TFB1M: variants seen among roughly 807,000 people sequenced by gnomAD.
TFB1M encodes transcription factor B1, mitochondrial.
Under a neutral mutation model 31.1 loss-of-function variants are expected in TFB1M, and 27 were observed. That is an observed-to-expected ratio of 0.87 (90% CI 0.64 to 1.20). TFB1M has a LOEUF of 1.20. Ranked by LOEUF, TFB1M falls within the 50% of genes most tolerant of loss-of-function variation. The pLI, the probability that TFB1M is intolerant of heterozygous loss-of-function variation, is 0.00. For synonymous variants in TFB1M, 166 were observed against 151.8 expected, an observed-to-expected ratio of 1.09 and a Z score of -0.69; for missense variants, 394 against 418.7, an observed-to-expected ratio of 0.94 and a Z score of 0.51.
chr6:155,268,947 A>T (rs1463048401), intron 5 of TFB1M, among the ~76,000 whole-genome samples: 1 of 137,822 alleles, frequency 7.3e-6, no homozygotes, highest in Non-Finnish European at 1.6e-5. Context: ...ATGATCAATT[A>T]AAAAAAAAAA....
chr6:155,236,599 G>C, the TFB1M span, among the ~76,000 whole-genome samples: 1 of 152,164 alleles, frequency 6.6e-6, no homozygotes, highest in Non-Finnish European at 1.5e-5. Context: ...GGAGGCAGAG[G>C]TTGCAGTGAG....
chr6:155,297,014 T>C lies in TFB1M; in HGVS notation c.485A>G (p.Asp162Gly), dbSNP rs1777206570. Residue 162 changes from aspartate to glycine, a missense_variant, in exon 4 of 7, where the codon GAT becomes GGT. Asp to Gly is a moderately conservative substitution (Grantham distance 94, BLOSUM62 -1). This residue lies in a region of TFB1M where 273 missense variants were observed against 256.4 expected (regional missense o/e 1.06). Coordinates refer to ENST00000367166, the MANE Select transcript of TFB1M (RefSeq NM_016020.4). ...AGTTCTGCCATAAACAAAAGGTCCATCTCTACAGGAAATATTTTCAAGCCA... is the reference window on the plus strand; with the variant it reads ...AGTTCTGCCATAAACAAAAGGTCCACCTCTACAGGAAATATTTTCAAGCCA... ...IKWLENISCR[D>G]GPFVYGRTQM... 1.2e-6 allele frequency: 2 copies of C among 1,613,840 alleles called. No homozygotes were observed. Among genetic ancestry groups the C allele is most frequent in the Non-Finnish European group, 1.7e-6 (2 of 1,179,932 alleles).
At chr6:155,247,683 C>T in the TFB1M span, among the ~76,000 whole-genome samples, 1 of 152,188 alleles carries the variant, frequency 6.6e-6, no homozygotes, top group East Asian at 1.9e-4. Context: ...CCACCTATAA[C>T]AATATTTCTC....
At position 155,257,528 on chromosome 6, in the gene TFB1M, A is replaced by AGTT. The variant is rs1285509027; in HGVS notation, c.*305_*307dup. The AGTT allele has an allele frequency of 2.7e-6, 1 of 365,248 alleles. No individual in the cohort carries two copies. The highest frequency in any genetic ancestry group is 2.1e-5 in the African/African-American group (1 of 47,126). The allele number at this position is 365,248 out of a possible 1,614,324, so 22.6% of individuals were successfully genotyped here. A position where few individuals can be genotyped will look rare whatever the true frequency, so the allele number is the denominator to read the frequency against. On this transcript the variant is annotated 3_prime_UTR_variant, in exon 7 of 7. Transcript: ENST00000367166. ...TTTTGCTTTATTTAAAGCATATTTA[A>AGTT]GTTATTTTAATGTGGTTTAGGGGCA... is the stretch of plus-strand genomic sequence containing the variant.
intron 4 of TFB1M, among the ~76,000 whole-genome samples, chr6:155,287,374 T>C (rs899448388): frequency 6.6e-6 from 1 of 151,286 alleles, no homozygotes; most frequent in African/African-American, 2.4e-5. Context: ...TGTCAAGAAA[T>C]GAAAAAAATA....
intron 5 of TFB1M, among the ~76,000 whole-genome samples, chr6:155,270,422 A>G (rs982432686): frequency 3.3e-5 from 5 of 152,200 alleles, no homozygotes; most frequent in Non-Finnish European, 7.3e-5. Flanking sequence ...TTGATAAACT[A>G]TATTTCTATT....
the TFB1M span, among the ~76,000 whole-genome samples, chr6:155,231,084 C>T: frequency 2.6e-5 from 4 of 152,040 alleles, no homozygotes; most frequent in African/African-American, 7.2e-5. Context: ...TCAAGTGATC[C>T]GCCCACCTTG....
Position 155,257,017 on chromosome 6 carries a change from A to G in TFB1M, c.*819T>C. The G allele has an allele frequency of 1.2e-6, 2 of 1,614,198 alleles. No homozygotes were observed. The highest frequency in any genetic ancestry group is 1.7e-6 in the Non-Finnish European group (2 of 1,180,020). On this transcript the variant is annotated 3_prime_UTR_variant, in exon 7 of 7. Coordinates refer to ENST00000367166, the MANE Select transcript of TFB1M (RefSeq NM_016020.4). ...TGACAGTCAGTCTGAAAATGCCACC[A>G]TCGACCTAAATTCTGTTCTAGAGCG...
At chr6:155,288,442 G>C (rs1776764825) in intron 4 of TFB1M, among the ~76,000 whole-genome samples, 1 of 152,180 alleles carries the variant, frequency 6.6e-6, no homozygotes, top group African/African-American at 2.4e-5. Context: ...TATGGATCAA[G>C]TGGTCAAAAA....
downstream of TFB1M, chr6:155,253,223 GA>G (rs1399196070): frequency 1.1e-5 from 6 of 550,768 alleles, no homozygotes; most frequent in East Asian, 1.7e-4. Flanking sequence ...ACTTCTGGGA[GA>G]AACTAAATGC....
chr6:155,294,918 A>G lies in TFB1M; in HGVS notation c.546+2035T>C, dbSNP rs994563067. On this transcript the variant is annotated intron_variant, in intron 4 of 6. Coordinates refer to ENST00000367166, the MANE Select transcript of TFB1M (RefSeq NM_016020.4). ...GGTCCACCAACATGAGAATGAATAG[A>G]TAAGGATCTTACACAGTCAAATAGT... is the stretch of plus-strand genomic sequence containing the variant. Among the ~76,000 whole-genome samples the G allele has an allele frequency of 6.8e-4, 104 of 152,260 alleles. 1 individual carries two copies. Among genetic ancestry groups the G allele is most frequent in the Non-Finnish European group, 1.3e-4 (9 of 68,048 alleles).
At chr6:155,230,124 A>T in the TFB1M span, among the ~76,000 whole-genome samples, 4 of 151,178 alleles carry the variant, frequency 2.6e-5, no homozygotes, top group African/African-American at 9.7e-5. Flanking sequence ...TGTCACCTGT[A>T]AGCTGTGTGT....
chr6:155,314,224 G>A (rs1420421863), intron 1 of TFB1M, 72 bp downstream of exon 1: 10 of 1,589,228 alleles, frequency 6.3e-6, no homozygotes, highest in African/African-American at 1.4e-5. Context: ...CCGCGGGGAC[G>A]TGCAAGACCC....
intron 5 of TFB1M, among the ~76,000 whole-genome samples, chr6:155,280,897 CA>C (rs1232371063): frequency 2.0e-5 from 3 of 152,192 alleles, no homozygotes. Flanking sequence ...GTGGATGTCT[CA>C]AGTTCCAATC....
chr6:155,235,665 T>C, the TFB1M span, among the ~76,000 whole-genome samples: 3 of 152,240 alleles, frequency 2.0e-5, no homozygotes, highest in South Asian at 6.2e-4. Flanking sequence ...CCAACTCCCT[T>C]AGACAACAGC....
chr6:155,271,455 C>T (rs1020824747), intron 5 of TFB1M, among the ~76,000 whole-genome samples: 1 of 152,138 alleles, frequency 6.6e-6, no homozygotes, highest in African/African-American at 2.4e-5. Flanking sequence ...AACAAGAAAA[C>T]TCAGGGCACC....
chr6:155,244,924 G>T, the TFB1M span: 1 of 1,081,696 alleles, frequency 9.2e-7, no homozygotes, highest in Non-Finnish European at 1.2e-6. Flanking sequence ...TCCTTGCACC[G>T]TTTTCCTCTG....
At chr6:155,275,724 C>A (rs780005334) in intron 5 of TFB1M, 5 of 1,611,846 alleles carry the variant, frequency 3.1e-6, no homozygotes, top group Non-Finnish European at 4.2e-6. Flanking sequence ...AACATCATGG[C>A]CTCAGCAGGA....
At chr6:155,232,425 G>C in the TFB1M span, 2 of 152,214 alleles carry the variant, frequency 1.3e-5, no homozygotes, top group African/African-American at 4.8e-5. Context: ...AGTGCTCAGT[G>C]TATGAGAACG....
Sources: gnomAD v4.1 joint callset for allele counts (sites outside exome capture counted in the v4.1 genomes callset) on GRCh38, gnomAD v4.1.1 for gene constraint, gnomAD v4.1.1 regional missense constraint, MANE v1.5 for transcripts, NCBI Gene and HGNC (gene_info 2026-07-23, HGNC 2026-07-21) for gene names.